Variants in GOLM1 observed in about 807,000 individuals in gnomAD.
GOLM1 encodes epididymis luminal protein 46.
A neutral mutation model predicts 50.5 loss-of-function variants in GOLM1; 31 were observed. That is an observed-to-expected ratio of 0.61 (90% CI 0.46 to 0.83). The LOEUF (loss-of-function observed/expected upper bound fraction) is 0.83. GOLM1 is among the 40% of genes least tolerant of loss of function. GOLM1 has a pLI of 0.00. For synonymous variants in GOLM1, 178 were observed against 192.8 expected (o/e 0.92, Z 0.64); for missense variants, 491 against 501.3 (o/e 0.98, Z 0.20).
chr9:86,041,384 G>T (rs1362672453), intron 5 of GOLM1, among the ~76,000 whole-genome samples: 1 of 152,168 alleles, frequency 6.6e-6, no homozygotes, highest in Non-Finnish European at 1.5e-5. Flanking sequence ...CCTCCTCCAG[G>T]GAAGGGAGGA....
chr9:86,076,925 G>A (rs551804886), intron 3 of GOLM1, among the ~76,000 whole-genome samples: 9 of 151,480 alleles, frequency 5.9e-5, no homozygotes, highest in South Asian at 4.2e-4. Flanking sequence ...TTAAATCTAC[G>A]CAGGATTTGT....
rs1191878714 is a variant in GOLM1, at chr9:86,077,535, G to A, written c.186C>T (p.Ala62=). 1.1e-5 allele frequency: 17 copies of A among 1,613,112 alleles called. No homozygotes were observed. The highest frequency in any genetic ancestry group is 4.5e-5 in the East Asian group (2 of 44,886). ...GGAACTCGTTCTTCTTCAGCTCCAC[G>A]GCGCCTCTCTCTGCAGCCGCCCTGC... ...RVRRAAAERG[A]VELKKNEFQG... The change falls in exon 3 of 10, where the codon GCC becomes GCT. Residue 62 remains alanine (A), a synonymous_variant. Transcript: ENST00000388712.
Position 86,026,650 on chromosome 9 carries a change from G to GC in GOLM1, c.*1166dup, listed in dbSNP as rs1196247132. 1.2e-5 allele frequency: 12 copies of GC among 984,510 alleles called. No individual in the cohort carries two copies. Among genetic ancestry groups the GC allele is most frequent in the Non-Finnish European group, 1.4e-5 (12 of 829,338 alleles). The allele number at this position is 984,510 out of a possible 1,614,324, so 61.0% of individuals were successfully genotyped here. On this transcript the variant is annotated 3_prime_UTR_variant, in exon 10 of 10. Transcript: ENST00000388712. ...TGGGAAGTCAGTCATTAATGATGTG[G>GC]CCAGTTATTTGCAAGTGGTAAGAGC... is the stretch of plus-strand genomic sequence containing the variant.
Position 86,027,198 on chromosome 9 carries a change from C to CA in GOLM1, c.*618dup. ...ATTAAAAATGACAAGGGTTATTATA[C>CA]AAGTAGCCTTTTAAAAAATTCTCAC... On this transcript the variant is annotated 3_prime_UTR_variant, in exon 10 of 10. Transcript: ENST00000388712. 1.0e-6 allele frequency: 1 copy of CA among 985,112 alleles called. No homozygotes were observed. Among genetic ancestry groups the CA allele is most frequent in the African/African-American group, 1.7e-5 (1 of 57,358 alleles). 61.0% of individuals were successfully genotyped at this position (985,112 alleles called of 1,614,324 possible).
rs1279032321 is a variant in GOLM1 at position 86,027,521 on chromosome 9, C to G, written c.*296G>C. 8.5e-7 allele frequency: 1 copy of G among 1,180,664 alleles called. No homozygotes were observed. Among genetic ancestry groups the G allele is most frequent in the Non-Finnish European group, 1.0e-6 (1 of 953,192 alleles). The allele number at this position is 1,180,664 out of a possible 1,614,324, so 73.1% of individuals were successfully genotyped here. ...TATATTCCAGAATCAGGAAGCCCCG[C>G]TGTCGCCAACACTTGAAGGAGAACT... On this transcript the variant is annotated 3_prime_UTR_variant, in exon 10 of 10. Coordinates refer to ENST00000388712, the MANE Select transcript of GOLM1 (RefSeq NM_016548.4).
intron 1 of GOLM1, among the ~76,000 whole-genome samples, chr9:86,085,742 T>C (rs1280336369): frequency 2.0e-5 from 3 of 152,214 alleles, no homozygotes; most frequent in Non-Finnish European, 4.4e-5. Flanking sequence ...TTTGGTTTTC[T>C]GTTCCTGTGT....
intron 3 of GOLM1, among the ~76,000 whole-genome samples, chr9:86,060,865 C>T (rs1299585023): frequency 1.5e-4 from 11 of 71,142 alleles, no homozygotes; most frequent in African/African-American, 4.1e-4. Context: ...GCAACAAGAG[C>T]GAAACTCTCT....
chr9:86,038,459 C>G (rs989649133), intron 6 of GOLM1, among the ~76,000 whole-genome samples: 1 of 152,142 alleles, frequency 6.6e-6, no homozygotes, highest in South Asian at 2.1e-4. Context: ...ATGAAACACC[C>G]AACTCCAGTA....
At chr9:86,059,354 G>A (rs1587718046) in intron 3 of GOLM1, among the ~76,000 whole-genome samples, 2 of 152,318 alleles carry the variant, frequency 1.3e-5, no homozygotes, top group South Asian at 2.1e-4. Flanking sequence ...AGGGACTATC[G>A]TTCAGCCATA....
At chr9:86,042,835 G>A (rs1833403900) in intron 5 of GOLM1, among the ~76,000 whole-genome samples, 1 of 152,188 alleles carries the variant, frequency 6.6e-6, no homozygotes, top group Non-Finnish European at 1.5e-5. Context: ...TCCAACTTGA[G>A]AGCCAGGAAC....
At chr9:86,047,835 GA>G (rs1040615265) in intron 4 of GOLM1, among the ~76,000 whole-genome samples, 18 of 152,094 alleles carry the variant, frequency 1.2e-4, no homozygotes, top group African/African-American at 4.3e-4. Context: ...GGCAAAAAAT[GA>G]TAACAGATGG....
In GOLM1 at chr9:86,036,394, G is replaced by A. The variant is rs1833147221; in HGVS notation, c.711C>T (p.Ala237=). The A allele has an allele frequency of 6.2e-7, 1 of 1,614,180 alleles. No individual in the cohort carries two copies. The highest frequency in any genetic ancestry group is 2.2e-5 in the East Asian group (1 of 44,878). Residue 237 remains alanine, a synonymous_variant, in exon 7 of 10, where the codon GCC becomes GCT. Transcript: ENST00000388712. ...AATCCAAAACCACTTCGGAACTGGGGGCTGGTGTCTGGGACTTGCTGTTAC... is the reference window on the plus strand; with the variant it reads ...AATCCAAAACCACTTCGGAACTGGGAGCTGGTGTCTGGGACTTGCTGTTAC... The part of the protein sequence containing the change: ...VLGNSKSQTP[A]PSSEVVLDSK...
At chr9:86,044,645 T>C (rs1833474366) in intron 5 of GOLM1, among the ~76,000 whole-genome samples, 1 of 152,206 alleles carries the variant, frequency 6.6e-6, no homozygotes, top group South Asian at 2.1e-4. Flanking sequence ...ATTTTTTAAA[T>C]TTAAAAATTA....
rs375979075 is a variant in GOLM1 at position 86,036,525 on chromosome 9, G to T, written c.598-18C>A. The T allele has an allele frequency of 1.6e-4, 261 of 1,612,788 alleles. No individual in the cohort carries two copies. Among genetic ancestry groups the T allele is most frequent in the South Asian group, 7.3e-4 (66 of 90,986 alleles). On this transcript the variant is annotated intron_variant, in intron 6 of 9. Transcript: ENST00000388712. ...GCTTGGAGCTGAAACAGAAGCACAGGACAGCCAGCCAGGGCAGGGCTCTGT... is the reference window on the plus strand; with the variant it reads ...GCTTGGAGCTGAAACAGAAGCACAGTACAGCCAGCCAGGGCAGGGCTCTGT...
intron 1 of GOLM1, among the ~76,000 whole-genome samples, chr9:86,080,684 G>A (rs757584191): frequency 1.3e-5 from 2 of 152,004 alleles, no homozygotes; most frequent in South Asian, 2.1e-4. Flanking sequence ...CAATCTAGCC[G>A]AATCATCTAA....
chr9:86,028,998 G>A lies in GOLM1; in HGVS notation c.1130-1105C>T, dbSNP rs181704933. 1.3e-3 allele frequency among the ~76,000 whole-genome samples: 193 copies of A among 152,138 alleles called. 4 individuals are homozygous for A. In the South Asian group the frequency reaches 0.034, roughly 27 times the overall value. ...CGAGTAGCTGGGACTACAGGCGCCC[G>A]CCACCACGCCCGGCTGATTTCTTTT... On this transcript the variant is annotated intron_variant, in intron 9 of 9. Coordinates refer to ENST00000388712, the MANE Select transcript of GOLM1 (RefSeq NM_016548.4).
Position 86,046,457 on chromosome 9 carries a change from G to A in GOLM1, c.467+13C>T. 6.6e-7 allele frequency: 1 copy of A among 1,519,334 alleles called. No homozygotes were observed. Among genetic ancestry groups the A allele is most frequent in the Non-Finnish European group, 9.1e-7 (1 of 1,093,530 alleles). 94.1% of individuals were successfully genotyped at this position (1,519,334 alleles called of 1,614,324 possible). On this transcript the variant is annotated intron_variant, in intron 5 of 9. Transcript: ENST00000388712. ...CACCCTGCACTGTGGCACGCGCTCT[G>A]AGGTGTACTCACAGGTCGTAGGAGA...
intron 2 of GOLM1, among the ~76,000 whole-genome samples, chr9:86,078,233 G>T (rs1303089697): frequency 6.6e-6 from 1 of 152,184 alleles, no homozygotes; most frequent in Non-Finnish European, 1.5e-5. Context: ...TGCACAAAAG[G>T]AGATAATTTG....
chr9:86,045,238 C>T (rs1295626194), intron 5 of GOLM1, among the ~76,000 whole-genome samples: 1 of 151,708 alleles, frequency 6.6e-6, no homozygotes, highest in African/African-American at 2.4e-5. Flanking sequence ...GTAGTCCCAG[C>T]TACTCAGGAG....
Sources: gnomAD v4.1 joint callset for allele counts (sites outside exome capture counted in the v4.1 genomes callset) on GRCh38, gnomAD v4.1.1 for gene constraint, MANE v1.5 for transcripts, NCBI Gene and HGNC (gene_info 2026-07-23, HGNC 2026-07-21) for gene names.